Variants in DPF2 observed in about 807,000 individuals in gnomAD.
DPF2 encodes zinc finger protein ubi-d4.
A neutral mutation model predicts 59.6 loss-of-function variants in DPF2; 10 were observed. The observed-to-expected ratio is 0.17, with a 90% confidence interval of 0.10 to 0.28. The LOEUF is 0.28. DPF2 is among the 10% of genes least tolerant of loss of function. DPF2 has a pLI of 1.00. For synonymous variants in DPF2, 189 were observed against 190.6 expected, an observed-to-expected ratio of 0.99 and a Z score of 0.07; for missense variants, 315 against 509.4, an observed-to-expected ratio of 0.62 and a Z score of 3.67.
intron 4 of DPF2, among the ~76,000 whole-genome samples, chr11:65,343,057 T>G (rs1186983125): frequency 2.0e-5 from 3 of 151,378 alleles, no homozygotes; most frequent in Non-Finnish European, 4.4e-5. Flanking sequence ...CCCAGCACTT[T>G]GGGAGGCCGA....
At chr11:65,351,638 G>A in intron 10 of DPF2, 45 bp from the exon 11 acceptor site, 1 of 1,549,550 alleles carries the variant, frequency 6.5e-7, no homozygotes. Context: ...CAAGCAGGTG[G>A]GGATTGTGTG....
intron 1 of DPF2, among the ~76,000 whole-genome samples, chr11:65,336,785 CAAAAAAAAAAA>C (rs751170058): frequency 7.6e-5 from 5 of 65,882 alleles, no homozygotes; most frequent in Non-Finnish European, 1.5e-4. Flanking sequence ...GACTCCATCT[CAAAAAAAAAAA>C]AAAAAAAAAA....
chr11:65,349,523 C>T (rs1003313321), intron 10 of DPF2, among the ~76,000 whole-genome samples: 2 of 152,144 alleles, frequency 1.3e-5, no homozygotes, highest in Admixed American at 6.5e-5. Context: ...CAGCTGGGCG[C>T]GGTGGCTCAA....
rs1235687688 is a variant in DPF2 at position 65,353,986 on chromosome 11, G to T, written c.*2227G>T. Among the ~76,000 whole-genome samples, 3 of 152,190 alleles carry T rather than the reference G, an allele frequency of 2.0e-5. No homozygotes were observed. The highest frequency in any genetic ancestry group is 2.9e-5 in the Non-Finnish European group (2 of 68,032). On this transcript the variant is annotated 3_prime_UTR_variant, in exon 11 of 11. Coordinates refer to ENST00000528416, the MANE Select transcript of DPF2 (RefSeq NM_006268.5). ...GGCCTAGGTGAGGAAATTTAGGAAG[G>T]GTTTGCGGGAGGTAGGATTTGAGAT...
chr11:65,341,007 T>C lies in DPF2; in HGVS notation c.235T>C (p.Trp79Arg). Residue 79 changes from tryptophan to arginine, a missense_variant, in exon 3 of 11, where the codon TGG becomes CGG. Coordinates refer to ENST00000528416, the MANE Select transcript of DPF2 (RefSeq NM_006268.5). ...GCTGTACTCCTACCCTGCCCGGCGC[T>C]GGCGGAAAAAGCGGCGAGCCCATCC... is the stretch of plus-strand genomic sequence containing the variant. ...GQLYSYPARR[W>R]RKKRRAHPPE... The C allele has an allele frequency of 6.2e-7, 1 of 1,614,140 alleles. No homozygotes were observed. The highest frequency in any genetic ancestry group is 8.5e-7 in the Non-Finnish European group (1 of 1,180,028).
chr11:65,351,808 C>A lies in DPF2; in HGVS notation c.*49C>A. ...ACATATCTAAGGCTGTTTCTCTCCTCCACTTCATATTTCATACCCATCTTT... is the reference window on the plus strand; with the variant it reads ...ACATATCTAAGGCTGTTTCTCTCCTACACTTCATATTTCATACCCATCTTT... On this transcript the variant is annotated 3_prime_UTR_variant, in exon 11 of 11. Coordinates refer to ENST00000528416, the MANE Select transcript of DPF2 (RefSeq NM_006268.5). 6.4e-7 allele frequency: 1 copy of A among 1,566,088 alleles called. No homozygotes were observed. Among genetic ancestry groups the A allele is most frequent in the Non-Finnish European group, 8.8e-7 (1 of 1,138,028 alleles).
chr11:65,341,482 G>C lies in DPF2; in HGVS notation c.385G>C (p.Glu129Gln), dbSNP rs1198798933. Residue 129 changes from glutamate (E) to glutamine (Q), a missense_variant, in exon 4 of 11, where the codon GAG (glutamate) becomes CAG (glutamine). By Grantham distance (29) the Glu-to-Gln change is conservative (BLOSUM62 2). Coordinates refer to ENST00000528416, the MANE Select transcript of DPF2 (RefSeq NM_006268.5). ...GGCTCTGTTGCGCACTGACCCCCTG[G>C]AGAAGCGAGGTGCCCCGGATCCCCG... Reference protein sequence around the residue: ...LEALLRTDPLEKRGAPDPRVD... With the variant: ...LEALLRTDPLQKRGAPDPRVD... 1 of 1,614,220 alleles carries C rather than the reference G, an allele frequency of 6.2e-7. No homozygotes were observed. The highest frequency in any genetic ancestry group is 8.5e-7 in the Non-Finnish European group (1 of 1,180,048).
At chr11:65,337,962 G>A (rs1057252289) in intron 1 of DPF2, among the ~76,000 whole-genome samples, 5 of 151,966 alleles carry the variant, frequency 3.3e-5, no homozygotes, top group Admixed American at 6.6e-5. Flanking sequence ...GTACCACCAC[G>A]CCCGGCTAAT....
At chr11:65,351,611 CAA>C (rs1854698964) in intron 10 of DPF2, 70 bp from the exon 11 acceptor site, 1 of 1,342,420 alleles carries the variant, frequency 7.4e-7, no homozygotes, top group African/African-American at 1.4e-5. Flanking sequence ...GATGGGGTAT[CAA>C]GAGCAGAGGA....
intron 1 of DPF2, among the ~76,000 whole-genome samples, chr11:65,337,504 T>TAG (rs1188984367): frequency 0.012 from 265 of 21,356 alleles, 7 homozygotes; most frequent in Non-Finnish European, 0.014. Flanking sequence ...TATATATATA[T>TAG]AGAGAGAGAG....
intron 6 of DPF2, 167 bp downstream of exon 6, chr11:65,344,236 C>A (rs1361972110): frequency 1.4e-6 from 1 of 697,382 alleles, no homozygotes; most frequent in East Asian, 2.7e-5. Flanking sequence ...GCCTGGGTCC[C>A]TGCTATATGA....
chr11:65,340,686 A>C (rs1246786428), intron 2 of DPF2, 141 bp downstream of exon 2: 1 of 1,251,288 alleles, frequency 8.0e-7, no homozygotes, highest in African/African-American at 1.5e-5. Flanking sequence ...GTGATTAGAA[A>C]CCCAGGGAGG....
chr11:65,336,944 TG>T (rs1638253588), intron 1 of DPF2, among the ~76,000 whole-genome samples: 1 of 151,390 alleles, frequency 6.6e-6, no homozygotes, highest in African/African-American at 2.4e-5. Flanking sequence ...AAAAATTAGC[TG>T]GGCATGGTGG....
intron 4 of DPF2, 114 bp downstream of exon 4, chr11:65,341,676 C>A: frequency 7.0e-7 from 1 of 1,432,996 alleles, no homozygotes; most frequent in South Asian, 1.3e-5. Flanking sequence ...GAAGCAGGCC[C>A]CTGCAGTTCT....
intron 1 of DPF2, among the ~76,000 whole-genome samples, chr11:65,334,680 C>T (rs1201532478): frequency 6.6e-6 from 1 of 152,130 alleles, no homozygotes; most frequent in Non-Finnish European, 1.5e-5. Flanking sequence ...GGGCCATGGA[C>T]GCTGGCCTAT....
chr11:65,347,924 A>G (rs1242949226), intron 9 of DPF2: 5 of 152,204 alleles, frequency 3.3e-5, no homozygotes, highest in Admixed American at 6.5e-5. Context: ...CTGGTATTAC[A>G]GGTGTGAGCC....
At chr11:65,342,320 C>T (rs560602035) in intron 4 of DPF2, among the ~76,000 whole-genome samples, 1 of 151,762 alleles carries the variant, frequency 6.6e-6, no homozygotes, top group East Asian at 1.9e-4. Context: ...CATGGTGGCA[C>T]ACGCCTGCAG....
Position 65,341,023 on chromosome 11 carries a change from G to A in DPF2, c.251G>A (p.Arg84Gln), listed in dbSNP as rs1198504031. ...YPARRWRKKR[R>Q]AHPPEDPRLS... ...GCCCGGCGCTGGCGGAAAAAGCGGC[G>A]AGCCCATCCCCCTGAGGATCCACGA... The change falls in exon 3 of 11, where the codon CGA becomes CAA. Residue 84 changes from arginine (R) to glutamine (Q), a missense_variant. Coordinates refer to ENST00000528416, the MANE Select transcript of DPF2 (RefSeq NM_006268.5). 7 of 1,613,958 alleles carry A rather than the reference G, an allele frequency of 4.3e-6. No individual in the cohort carries two copies. The highest frequency in any genetic ancestry group is 5.1e-6 in the Non-Finnish European group (6 of 1,180,016).
intron 1 of DPF2, among the ~76,000 whole-genome samples, chr11:65,337,485 A>G (rs1854210463): frequency 1.9e-5 from 1 of 51,314 alleles, no homozygotes; most frequent in Non-Finnish European, 3.7e-5. Context: ...ATATATATAT[A>G]TATATATATA....
Sources: allele counts gnomAD v4.1 joint callset (sites outside exome capture counted in the v4.1 genomes callset), GRCh38; gene constraint gnomAD v4.1.1; transcripts MANE v1.5; gene names NCBI Gene and HGNC (gene_info 2026-07-23, HGNC 2026-07-21).